QTMAN: variants seen among roughly 807,000 people sequenced by gnomAD.
The protein encoded by QTMAN is queuosine-tRNA mannosyltransferase, also known as tRNA-queuosine alpha-mannosyltransferase.
chr2:144,298,733 T>G, the QTMAN span, among the ~76,000 whole-genome samples: 1 of 152,140 alleles, frequency 6.6e-6, no homozygotes, highest in African/African-American at 2.4e-5. Flanking sequence ...GTCAGGCATA[T>G]AAGACAGTTC....
the QTMAN span, among the ~76,000 whole-genome samples, chr2:144,090,426 T>C: frequency 6.6e-6 from 1 of 152,106 alleles, no homozygotes; most frequent in African/African-American, 2.4e-5. Flanking sequence ...AGTAAAACTA[T>C]TTCTATTTTG....
the QTMAN span, among the ~76,000 whole-genome samples, chr2:144,199,960 A>C: frequency 6.6e-6 from 1 of 152,200 alleles, no homozygotes; most frequent in Admixed American, 6.5e-5. Flanking sequence ...TGATTCTCCT[A>C]CCATAGTATG....
At chr2:144,185,856 G>C in the QTMAN span, among the ~76,000 whole-genome samples, 1 of 152,184 alleles carries the variant, frequency 6.6e-6, no homozygotes, top group East Asian at 1.9e-4. Flanking sequence ...AAAAATCAAT[G>C]AGCAGAAATT....
At chr2:144,037,592 T>C in the QTMAN span, among the ~76,000 whole-genome samples, 1 of 152,214 alleles carries the variant, frequency 6.6e-6, no homozygotes, top group Non-Finnish European at 1.5e-5. Flanking sequence ...CTGAGAACGC[T>C]CTGTTCTATT....
At chr2:144,240,546 T>C in the QTMAN span, among the ~76,000 whole-genome samples, 1 of 152,240 alleles carries the variant, frequency 6.6e-6, no homozygotes, top group Non-Finnish European at 1.5e-5. Flanking sequence ...ATTCTGAAAG[T>C]ACATTAAATT....
At chr2:144,287,912 T>C in the QTMAN span, among the ~76,000 whole-genome samples, 1 of 152,208 alleles carries the variant, frequency 6.6e-6, no homozygotes, top group African/African-American at 2.4e-5. Context: ...TGGAGTGCAG[T>C]GGTGCGATCT....
chr2:143,997,804 G>T, the QTMAN span, among the ~76,000 whole-genome samples: 3 of 151,972 alleles, frequency 2.0e-5, no homozygotes, highest in East Asian at 5.8e-4. Flanking sequence ...ACATAAAAAA[G>T]CCTCACTCAT....
At chr2:144,114,359 A>G in the QTMAN span, among the ~76,000 whole-genome samples, 4 of 152,198 alleles carry the variant, frequency 2.6e-5, no homozygotes, top group Non-Finnish European at 5.9e-5. Flanking sequence ...GCTATCAGGT[A>G]TACTGTCTGG....
the QTMAN span, among the ~76,000 whole-genome samples, chr2:144,298,885 G>GA: frequency 6.6e-6 from 1 of 152,208 alleles, no homozygotes; most frequent in East Asian, 1.9e-4. Context: ...TATCCTGCCA[G>GA]AGACACTGCT....
the QTMAN span, among the ~76,000 whole-genome samples, chr2:144,326,443 C>T: frequency 1.3e-5 from 2 of 151,964 alleles, no homozygotes; most frequent in East Asian, 1.9e-4. Flanking sequence ...AAAAATAAGC[C>T]GGGCATGGTG....
chr2:144,304,335 C>A, the QTMAN span, among the ~76,000 whole-genome samples: 2 of 152,174 alleles, frequency 1.3e-5, no homozygotes, highest in Admixed American at 6.5e-5. Flanking sequence ...CCAAAAAGAT[C>A]AAGCTGATTC....
the QTMAN span, among the ~76,000 whole-genome samples, chr2:144,133,131 A>ATTTATAT: frequency 2.1e-5 from 1 of 48,616 alleles, no homozygotes; most frequent in African/African-American, 7.7e-5. Flanking sequence ...ATATATATAT[A>ATTTATAT]TATATATATA....
the QTMAN span, among the ~76,000 whole-genome samples, chr2:144,038,450 T>A: frequency 6.6e-6 from 1 of 152,220 alleles, no homozygotes; most frequent in Non-Finnish European, 1.5e-5. Context: ...TACAATTCTA[T>A]CCCTGTAGAA....
At chr2:144,008,576 C>T in the QTMAN span, among the ~76,000 whole-genome samples, 2 of 152,132 alleles carry the variant, frequency 1.3e-5, 1 homozygote, top group East Asian at 3.9e-4. Flanking sequence ...AGTCCTTTCT[C>T]AGAGTTCCTG....
chr2:144,255,182 A>G, the QTMAN span, among the ~76,000 whole-genome samples: 2 of 152,142 alleles, frequency 1.3e-5, no homozygotes, highest in African/African-American at 4.8e-5. Flanking sequence ...GGGAGGGGCC[A>G]GGGGCAAAAT....
the QTMAN span, among the ~76,000 whole-genome samples, chr2:144,325,903 G>A: frequency 3.3e-5 from 5 of 152,146 alleles, no homozygotes; most frequent in Non-Finnish European, 5.9e-5. Flanking sequence ...GGTAATTTGG[G>A]TGTTCAATAC....
chr2:144,012,027 T>C, the QTMAN span, among the ~76,000 whole-genome samples: 1 of 152,128 alleles, frequency 6.6e-6, no homozygotes, highest in Admixed American at 6.6e-5. Flanking sequence ...TTTAGAAATA[T>C]TCGGATTGCC....
At chr2:144,201,610 G>A in the QTMAN span, among the ~76,000 whole-genome samples, 1 of 152,192 alleles carries the variant, frequency 6.6e-6, no homozygotes, top group African/African-American at 2.4e-5. Flanking sequence ...TGCTTGCTGT[G>A]TGCTAGCGCC....
At chr2:143,947,641 A>G in the QTMAN span, among the ~76,000 whole-genome samples, 1 of 152,226 alleles carries the variant, frequency 6.6e-6, no homozygotes, top group East Asian at 1.9e-4. Context: ...TCAGGGGTAC[A>G]TTGATATTTA....
Sources: gnomAD v4.1 joint callset for allele counts (sites outside exome capture counted in the v4.1 genomes callset) on GRCh38, gnomAD v4.1.1 for gene constraint, MANE v1.5 for transcripts, NCBI Gene and HGNC (gene_info 2026-07-23, HGNC 2026-07-21) for gene names.